The following GAS2L3 variants were observed in gnomAD, a reference collection of about 807,000 sequenced individuals.
GAS2L3 encodes the protein GAS2-like protein 3.
A neutral mutation model predicts 37.0 loss-of-function variants in GAS2L3; 28 were observed. The observed-to-expected ratio is 0.76, with a 90% CI of 0.56 to 1.04. The LOEUF (loss-of-function observed/expected upper bound fraction) is 1.04, where lower values mean the gene tolerates loss of function less well. Ranked by LOEUF, GAS2L3 falls within the 50% of genes least tolerant of loss-of-function variation. The pLI is 0.00. For synonymous variants in GAS2L3, 290 were observed against 296.6 expected (o/e 0.98, Z 0.23); for missense variants, 793 against 817.6 (o/e 0.97, Z 0.37).
intron 9 of GAS2L3, among the ~76,000 whole-genome samples, chr12:100,623,042 A>T (rs937298093): frequency 6.6e-6 from 1 of 152,164 alleles, no homozygotes; most frequent in African/African-American, 2.4e-5. Context: ...AAAAGTATTT[A>T]AAAATATTAT....
intron 2 of GAS2L3, among the ~76,000 whole-genome samples, chr12:100,593,313 T>A (rs944839815): frequency 6.6e-6 from 1 of 152,176 alleles, no homozygotes; most frequent in African/African-American, 2.4e-5. Flanking sequence ...TTTTTAAAGT[T>A]AATCCAGATG....
intron 1 of GAS2L3, among the ~76,000 whole-genome samples, chr12:100,587,549 A>G (rs1955795913): frequency 6.6e-6 from 1 of 152,100 alleles, no homozygotes. Context: ...TCTGATTAAA[A>G]CTCTCAGCAA....
intron 1 of GAS2L3, among the ~76,000 whole-genome samples, chr12:100,575,880 C>A (rs1955630637): frequency 6.6e-6 from 1 of 152,094 alleles, no homozygotes; most frequent in African/African-American, 2.4e-5. Flanking sequence ...GTGTTACACA[C>A]CTTTATATTC....
chr12:100,577,615 G>T (rs1401932145), intron 1 of GAS2L3, among the ~76,000 whole-genome samples: 1 of 152,144 alleles, frequency 6.6e-6, no homozygotes, highest in Non-Finnish European at 1.5e-5. Context: ...GCATTTAGGA[G>T]TAATTCTAGT....
At chr12:100,577,009 A>G (rs1955645931) in intron 1 of GAS2L3, among the ~76,000 whole-genome samples, 1 of 152,228 alleles carries the variant, frequency 6.6e-6, no homozygotes, top group African/African-American at 2.4e-5. Flanking sequence ...GCTATGGTGA[A>G]GGGCTCACTT....
chr12:100,608,675 C>T (rs1956088185), intron 5 of GAS2L3, among the ~76,000 whole-genome samples: 1 of 152,144 alleles, frequency 6.6e-6, no homozygotes, highest in South Asian at 2.1e-4. Flanking sequence ...GCGCCTGGCA[C>T]CGTGCCCAGC....
chr12:100,590,260 A>G (rs913230818), intron 1 of GAS2L3, among the ~76,000 whole-genome samples: 2 of 152,212 alleles, frequency 1.3e-5, no homozygotes, highest in Non-Finnish European at 2.9e-5. Flanking sequence ...GGCTAAGGAC[A>G]TGAATAGACA....
intron 5 of GAS2L3, among the ~76,000 whole-genome samples, chr12:100,602,257 T>A (rs1956000092): frequency 6.6e-6 from 1 of 152,100 alleles, no homozygotes; most frequent in Non-Finnish European, 1.5e-5. Flanking sequence ...TTTATAAATA[T>A]TGATTGGATA....
Position 100,624,457 on chromosome 12 carries a change from C to T in GAS2L3, c.1652C>T (p.Ala551Val), listed in dbSNP as rs34087384. The change falls in exon 10 of 10, where the codon GCA becomes GTA. Residue 551 changes from alanine (A) to valine (V), a missense_variant. Transcript: ENST00000547754. ...DGAPQAKPVP[A>V]QKLKSALNLN... ...GCCCCACAAGCAAAGCCAGTCCCAG[C>T]ACAGAAACTTAAATCGGCCTTGAAT... The T allele has an allele frequency of 2.6e-4, 417 of 1,614,032 alleles. 2 individuals are homozygous for T. In the African/African-American group the frequency reaches 5.0e-3, roughly 19 times the overall value.
intron 5 of GAS2L3, among the ~76,000 whole-genome samples, chr12:100,603,465 G>T (rs1470794247): frequency 6.6e-6 from 1 of 152,006 alleles, no homozygotes; most frequent in African/African-American, 2.4e-5. Context: ...CAAATCTTTT[G>T]CCCATTTTTA....
chr12:100,623,266 A>T (rs925558791), intron 9 of GAS2L3, among the ~76,000 whole-genome samples: 3 of 152,172 alleles, frequency 2.0e-5, no homozygotes, highest in African/African-American at 7.2e-5. Flanking sequence ...CAGGGCCCTA[A>T]AACCCAACTT....
At chr12:100,611,709 TGATCTGACAGGCA>T (rs1303685782) in intron 5 of GAS2L3, among the ~76,000 whole-genome samples, 1 of 152,084 alleles carries the variant, frequency 6.6e-6, no homozygotes, top group Non-Finnish European at 1.5e-5. Context: ...ATGCCATCGC[TGATCTGACAGGCA>T]GAGCTCAGGT....
chr12:100,605,170 A>T (rs764442098), intron 5 of GAS2L3, among the ~76,000 whole-genome samples: 1 of 152,022 alleles, frequency 6.6e-6, no homozygotes, highest in Non-Finnish European at 1.5e-5. Flanking sequence ...GATTGCTATT[A>T]GTTCTTTAAA....
intron 5 of GAS2L3, among the ~76,000 whole-genome samples, chr12:100,609,448 C>G (rs2136513678): frequency 6.6e-6 from 1 of 152,276 alleles, no homozygotes; most frequent in South Asian, 2.1e-4. Flanking sequence ...TTGCTGCGCT[C>G]CCTGTCTCCC....
At chr12:100,582,705 G>A (rs993792238) in intron 1 of GAS2L3, among the ~76,000 whole-genome samples, 2 of 152,112 alleles carry the variant, frequency 1.3e-5, no homozygotes, top group African/African-American at 2.4e-5. Flanking sequence ...TTCTAGTTAC[G>A]GCTGTAACAA....
chr12:100,600,573 A>C (rs183888273), intron 4 of GAS2L3, 23 bp downstream of exon 4: 73 of 1,572,844 alleles, frequency 4.6e-5, no homozygotes, highest in Middle Eastern at 3.4e-4. Flanking sequence ...ACAATACCCA[A>C]AATTGTATTA....
At chr12:100,621,202 C>T (rs972226894) in intron 8 of GAS2L3, among the ~76,000 whole-genome samples, 5 of 151,954 alleles carry the variant, frequency 3.3e-5, no homozygotes, top group Admixed American at 2.0e-4. Flanking sequence ...TATATGAATT[C>T]GTTTTGATAA....
chr12:100,622,358 A>G lies in GAS2L3; in HGVS notation c.732A>G (p.Leu244=), dbSNP rs537218630. The G allele has an allele frequency of 1.6e-4, 245 of 1,569,638 alleles. No individual in the cohort carries two copies. Among genetic ancestry groups the G allele is most frequent in the Non-Finnish European group, 2.1e-4 (239 of 1,141,176 alleles). The change falls in exon 9 of 10, where the codon CTA becomes CTG. Residue 244 remains leucine, a synonymous_variant. Transcript: ENST00000547754. ...IEYLSEGRYR[L]GDKILFIRML... Reference sequence around the variant, plus strand: ...ATTTATCTGAAGGACGGTACCGACTAGGGGATAAAATACTCTTTATAAGAG... The same window carrying G: ...ATTTATCTGAAGGACGGTACCGACTGGGGGATAAAATACTCTTTATAAGAG...
rs1254317956 is a variant in GAS2L3 at position 100,625,619 on chromosome 12, T to C, written c.*729T>C. On this transcript the variant is annotated 3_prime_UTR_variant, in exon 10 of 10. Transcript: ENST00000547754. ...ATTTTGTAAACAATTTTTTATATTA[T>C]CTATAAAAACGTAGACACCTTATGT... is the stretch of plus-strand genomic sequence containing the variant. 6.6e-6 allele frequency: 1 copy of C among 152,206 alleles called. No individual in the cohort carries two copies. Among genetic ancestry groups the C allele is most frequent in the Non-Finnish European group, 1.5e-5 (1 of 68,030 alleles). The allele number at this position is 152,206 out of a possible 1,614,324, so 9.4% of individuals were successfully genotyped here. A position where few individuals can be genotyped will look rare whatever the true frequency, so the allele number is the denominator to read the frequency against.
Sources: gnomAD v4.1 joint callset for allele counts (sites outside exome capture counted in the v4.1 genomes callset) on GRCh38, gnomAD v4.1.1 for gene constraint, MANE v1.5 for transcripts, NCBI Gene and HGNC (gene_info 2026-07-23, HGNC 2026-07-21) for gene names.